ZBTB7C: variants seen among roughly 807,000 people sequenced by gnomAD.
ZBTB7C encodes zinc finger and BTB domain containing 7C.
Under a neutral mutation model 25.7 loss-of-function variants are expected in ZBTB7C, and 8 were observed. The ratio of observed to expected loss-of-function variants is 0.31; its 90% CI spans 0.18 to 0.56. The LOEUF (loss-of-function observed/expected upper bound fraction) is 0.56, where lower values mean the gene tolerates loss of function less well. ZBTB7C is among the 20% of genes least tolerant of loss of function. The pLI is 0.91. For synonymous variants in ZBTB7C, 394 were observed against 369.0 expected, an observed-to-expected ratio of 1.07 and a Z score of -0.78; for missense variants, 824 against 855.2, an observed-to-expected ratio of 0.96 and a Z score of 0.46.
intron 3 of ZBTB7C, among the ~76,000 whole-genome samples, chr18:48,119,406 C>A (rs1305902626): frequency 6.6e-6 from 1 of 152,278 alleles, no homozygotes; most frequent in Non-Finnish European, 1.5e-5. Flanking sequence ...TTTGTTCCTA[C>A]TGCCAGCCCC....
chr18:48,260,829 G>A (rs968984112), intron 2 of ZBTB7C, among the ~76,000 whole-genome samples: 3 of 152,164 alleles, frequency 2.0e-5, no homozygotes, highest in African/African-American at 7.2e-5. Context: ...CCTAGGCCTG[G>A]TGATCTGGCC....
At chr18:48,087,707 A>C (rs1284786884) in intron 3 of ZBTB7C, 2 of 152,174 alleles carry the variant, frequency 1.3e-5, no homozygotes, top group African/African-American at 4.8e-5. Flanking sequence ...AGGCAGGAAC[A>C]TCTCTTGAGC....
chr18:48,093,956 G>A (rs997149437), intron 3 of ZBTB7C, among the ~76,000 whole-genome samples: 5 of 152,168 alleles, frequency 3.3e-5, no homozygotes, highest in Non-Finnish European at 7.3e-5. Flanking sequence ...CTACTTGGGA[G>A]GCTGAGGCAG....
chr18:48,040,224 TC>T lies in ZBTB7C; in HGVS notation c.883del (p.Glu295ArgfsTer44). ...TGGCGGTGGGGGTGGGGGCAGCTCC[TC>T]CTTCTCCTCCTCCTTGATCTTCCGA... Reference protein sequence around the residue: ...KNRKIKEEEKEELPPPPPPPF... With the variant: ...KNRKIKEEEKXELPPPPPPPF... On this transcript the variant is annotated frameshift_variant, in exon 4 of 5. Coordinates refer to ENST00000590800, the MANE Select transcript of ZBTB7C (RefSeq NM_001318841.2). LOFTEE classifies it high-confidence loss of function. The T allele has an allele frequency of 6.4e-7, 1 of 1,569,742 alleles. No homozygotes were observed. Among genetic ancestry groups the T allele is most frequent in the Non-Finnish European group, 8.6e-7 (1 of 1,159,984 alleles).
chr18:48,057,020 A>G (rs1325181934), intron 3 of ZBTB7C, among the ~76,000 whole-genome samples: 2 of 151,042 alleles, frequency 1.3e-5, no homozygotes, highest in African/African-American at 4.9e-5. Flanking sequence ...CCAAATCAGG[A>G]AAAGACCTAT....
At chr18:48,183,013 A>G (rs771238315) in intron 3 of ZBTB7C, among the ~76,000 whole-genome samples, 22 of 152,218 alleles carry the variant, frequency 1.4e-4, no homozygotes, top group Non-Finnish European at 2.9e-4. Context: ...AAAATAATTT[A>G]TTATTTGCAA....
chr18:48,236,835 A>AG (rs1225865213), intron 2 of ZBTB7C, among the ~76,000 whole-genome samples: 1 of 152,244 alleles, frequency 6.6e-6, no homozygotes, highest in African/African-American at 2.4e-5. Context: ...GGGTCCACAC[A>AG]GAAAAACAAA....
chr18:48,080,890 C>T (rs1290556267), intron 3 of ZBTB7C, among the ~76,000 whole-genome samples: 3 of 152,174 alleles, frequency 2.0e-5, no homozygotes, highest in Admixed American at 6.5e-5. Context: ...GTAGAGAGCC[C>T]GGGCAAGCCC....
At chr18:48,278,434 CTTTT>C (rs562058274) in intron 2 of ZBTB7C, among the ~76,000 whole-genome samples, 1 of 150,460 alleles carries the variant, frequency 6.6e-6, no homozygotes, top group Non-Finnish European at 1.5e-5. Context: ...TCCCCAAATT[CTTTT>C]TTTTCTTTTT....
intron 1 of ZBTB7C, among the ~76,000 whole-genome samples, chr18:48,356,248 C>T (rs1260070582): frequency 1.3e-5 from 2 of 152,160 alleles, no homozygotes; most frequent in Non-Finnish European, 2.9e-5. Context: ...TCAGGCATCT[C>T]CAAGTGAACT....
intron 3 of ZBTB7C, among the ~76,000 whole-genome samples, chr18:48,045,955 T>C (rs1315502938): frequency 6.6e-6 from 1 of 152,212 alleles, no homozygotes; most frequent in East Asian, 1.9e-4. Context: ...CAACAGCCAA[T>C]GCCAACTTGC....
chr18:48,129,539 T>C (rs2039920387), intron 3 of ZBTB7C, among the ~76,000 whole-genome samples: 1 of 152,034 alleles, frequency 6.6e-6, no homozygotes, highest in Non-Finnish European at 1.5e-5. Flanking sequence ...GAGACATTAA[T>C]CCCTATTCAA....
rs533622263 is a variant in ZBTB7C, at chr18:48,316,483, C to T, written c.-79+21691G>A. The stretch of plus-strand genomic sequence containing the variant: ...TCAAACCTTACGTTGAAATGTGACC[C>T]CCAGTGTTGGAAGTGGGTTCTAGTG... On this transcript the variant is annotated intron_variant, in intron 2 of 4. Coordinates refer to ENST00000590800, the MANE Select transcript of ZBTB7C (RefSeq NM_001318841.2). Among the ~76,000 whole-genome samples the T allele has an allele frequency of 2.0e-5, 3 of 152,322 alleles. No homozygotes were observed. The South Asian group carries it at 6.2e-4, about 32-fold the overall frequency.
At chr18:48,326,866 T>G (rs2046232435) in intron 2 of ZBTB7C, among the ~76,000 whole-genome samples, 1 of 152,264 alleles carries the variant, frequency 6.6e-6, no homozygotes, top group South Asian at 2.1e-4. Flanking sequence ...TGTAAAAGCA[T>G]TTGATTTTCA....
chr18:48,154,664 T>G (rs1209904521), intron 3 of ZBTB7C, among the ~76,000 whole-genome samples: 2 of 152,240 alleles, frequency 1.3e-5, no homozygotes, highest in African/African-American at 4.8e-5. Context: ...TCTAGGACTC[T>G]ATTATAAAGG....
In ZBTB7C at chr18:48,139,896, T is replaced by G. The variant is rs372707485; in HGVS notation, c.-17+46038A>C. On this transcript the variant is annotated intron_variant, in intron 3 of 4. Transcript: ENST00000590800. ...CCTGGATTCCTTCCTAGGCCCTCTT[T>G]GGCCTCCTCCTCCTCCTCAGCTCCC... Among the ~76,000 whole-genome samples the G allele has an allele frequency of 8.5e-5, 13 of 152,258 alleles. No individual in the cohort carries two copies. In the South Asian group the frequency reaches 2.7e-3, roughly 32 times the overall value.
intron 3 of ZBTB7C, among the ~76,000 whole-genome samples, chr18:48,143,250 T>C (rs2040402834): frequency 6.6e-6 from 1 of 152,172 alleles, no homozygotes; most frequent in Non-Finnish European, 1.5e-5. Flanking sequence ...GTGGAGCTGC[T>C]GCAGTGGAAC....
At chr18:48,175,255 G>A (rs1337208822) in intron 3 of ZBTB7C, among the ~76,000 whole-genome samples, 1 of 152,208 alleles carries the variant, frequency 6.6e-6, no homozygotes, top group Admixed American at 6.5e-5. Context: ...GGCATGGTGA[G>A]GTGGGGATGA....
At chr18:48,092,500 A>G (rs1387877521) in intron 3 of ZBTB7C, among the ~76,000 whole-genome samples, 1 of 152,266 alleles carries the variant, frequency 6.6e-6, no homozygotes, top group Non-Finnish European at 1.5e-5. Context: ...AATCACTTAA[A>G]AAATGCTGTT....
Sources: allele counts gnomAD v4.1 joint callset (sites outside exome capture counted in the v4.1 genomes callset), GRCh38; gene constraint gnomAD v4.1.1; transcripts MANE v1.5; gene names NCBI Gene and HGNC (gene_info 2026-07-23, HGNC 2026-07-21).